The following DCHS2 variants were observed in gnomAD, a reference collection of about 807,000 sequenced individuals.
DCHS2 encodes the protein dachsous cadherin-related 2.
Under a neutral mutation model 182.4 loss-of-function variants are expected in DCHS2, and 142 were observed. The ratio of observed to expected loss-of-function variants is 0.78; its 90% CI spans 0.68 to 0.89. The LOEUF (loss-of-function observed/expected upper bound fraction) is 0.89. Among genes scored for constraint, DCHS2 ranks in the 40% least tolerant of loss-of-function variants. The pLI, the probability that DCHS2 is intolerant of heterozygous loss-of-function variation, is 0.00. For synonymous variants in DCHS2, 1,740 were observed against 1,663.3 expected (o/e 1.05, Z -1.12); for missense variants, 4,319 against 4,198.6 (o/e 1.03, Z -0.79).
chr4:154,428,655 C>A (rs769923459), intron 1 of DCHS2, among the ~76,000 whole-genome samples: 55 of 152,104 alleles, frequency 3.6e-4, no homozygotes, highest in Non-Finnish European at 7.4e-4. Context: ...AATCCTAGCA[C>A]TTTGGAAGGG....
intron 1 of DCHS2, among the ~76,000 whole-genome samples, chr4:154,393,648 G>C (rs1731804128): frequency 6.6e-6 from 1 of 151,854 alleles, no homozygotes; most frequent in African/African-American, 2.4e-5. Flanking sequence ...TCATATGCTA[G>C]TCTAATCTCT....
chr4:154,435,444 A>C (rs1316324912), intron 1 of DCHS2, among the ~76,000 whole-genome samples: 1 of 152,152 alleles, frequency 6.6e-6, no homozygotes, highest in Non-Finnish European at 1.5e-5. Context: ...AAATGCAAAA[A>C]AATTAGCTGG....
intron 2 of DCHS2, among the ~76,000 whole-genome samples, chr4:154,370,654 G>T (rs1418761184): frequency 6.6e-6 from 1 of 152,172 alleles, no homozygotes; most frequent in Non-Finnish European, 1.5e-5. Context: ...TCTCTAAAAA[G>T]ATAATAGAAA....
Position 154,489,838 on chromosome 4 carries a change from C to T in DCHS2, c.1518G>A (p.Glu506=). Residue 506 remains glutamate, a synonymous_variant, in exon 1 of 20, where the codon GAG becomes GAA. Transcript: ENST00000357232. ...PLDRESRDLY[E]LLLVATDAGS... The stretch of plus-strand genomic sequence containing the variant: ...CCGCGTCCGTGGCCACCAGTAGTAA[C>T]TCATACAGATCGCGGCTCTCTCTGT... 2 of 1,550,190 alleles carry T rather than the reference C, an allele frequency of 1.3e-6. No homozygotes were observed. Among genetic ancestry groups the T allele is most frequent in the Non-Finnish European group, 1.7e-6 (2 of 1,145,880 alleles).
In DCHS2 at chr4:154,333,038, T is replaced by C. The variant is rs1345374354; in HGVS notation, c.3170A>G (p.Asp1057Gly). The C allele has an allele frequency of 6.2e-6, 10 of 1,613,994 alleles. No individual in the cohort carries two copies. The South Asian group carries it at 8.8e-5, about 14-fold the overall frequency. Residue 1057 changes from aspartate (D) to glycine (G), a missense_variant, in exon 5 of 20, where the codon GAC becomes GGC. By Grantham distance (94) the Asp-to-Gly change is moderately conservative (BLOSUM62 -1). Coordinates refer to ENST00000357232, the MANE Select transcript of DCHS2 (RefSeq NM_001358235.2). ...RELTLTLRAEDQGVHPQAALL... is the reference protein window; with the variant it reads ...RELTLTLRAEGQGVHPQAALL... The stretch of plus-strand genomic sequence containing the variant: ...GGCTGCCTGAGGATGCACGCCTTGG[T>C]CCTCGGCCCTGAGAGTCAGCGTGAG...
intron 13 of DCHS2, among the ~76,000 whole-genome samples, chr4:154,289,589 A>G (rs187465347): frequency 6.6e-6 from 1 of 152,214 alleles, no homozygotes; most frequent in Admixed American, 6.5e-5. Flanking sequence ...TCATTCTACC[A>G]GGTCATTATT....
chr4:154,387,054 C>A (rs1731453003), intron 1 of DCHS2, among the ~76,000 whole-genome samples: 1 of 152,082 alleles, frequency 6.6e-6, no homozygotes, highest in African/African-American at 2.4e-5. Context: ...AAGGTTTAAC[C>A]TTTTAAAATG....
chr4:154,238,859 G>A (rs950915613), intron 19 of DCHS2, among the ~76,000 whole-genome samples: 3 of 152,102 alleles, frequency 2.0e-5, no homozygotes, highest in African/African-American at 7.2e-5. Flanking sequence ...TGGGATAATT[G>A]CCTGAACTGT....
chr4:154,437,059 G>A (rs186390507), intron 1 of DCHS2, among the ~76,000 whole-genome samples: 31 of 152,042 alleles, frequency 2.0e-4, no homozygotes, highest in East Asian at 1.9e-3. Context: ...CATTTCTTCC[G>A]GACAGTGCTG....
In DCHS2 at chr4:154,236,256, C is replaced by A; in HGVS notation, c.8396G>T (p.Gly2799Val). The A allele has an allele frequency of 3.1e-6, 5 of 1,613,968 alleles. No individual in the cohort carries two copies. Among genetic ancestry groups the A allele is most frequent in the Non-Finnish European group, 4.2e-6 (5 of 1,179,946 alleles). The change falls in exon 20 of 20, where the codon GGT (glycine) becomes GTT (valine). Residue 2799 changes from glycine (G) to valine (V), a missense_variant. Transcript: ENST00000357232. The stretch of plus-strand genomic sequence containing the variant: ...AGAATAGGTCAATTCTCCATACGGA[C>A]CAGCATCAAAATCCAGAGCATTTAT... ...CSINALDFDA[G>V]PYGELTYSIV...
intron 1 of DCHS2, among the ~76,000 whole-genome samples, chr4:154,449,187 AT>A (rs1734427996): frequency 6.8e-6 from 1 of 146,902 alleles, no homozygotes; most frequent in African/African-American, 2.5e-5. Flanking sequence ...TATATACATG[AT>A]AAAATTTGTC....
chr4:154,323,006 A>T, intron 7 of DCHS2: 1 of 524,822 alleles, frequency 1.9e-6, no homozygotes, highest in African/African-American at 1.9e-5. Flanking sequence ...TTTCTTGTTT[A>T]CATTAAGATC....
intron 16 of DCHS2, among the ~76,000 whole-genome samples, chr4:154,246,105 G>A (rs1445156540): frequency 6.6e-6 from 1 of 152,148 alleles, no homozygotes; most frequent in East Asian, 1.9e-4. Context: ...GAGGAGCAGA[G>A]TTGCTCCCAG....
chr4:154,449,606 C>T (rs547068468), intron 1 of DCHS2, among the ~76,000 whole-genome samples: 6 of 152,218 alleles, frequency 3.9e-5, no homozygotes, highest in Admixed American at 2.6e-4. Flanking sequence ...CTCCTGGGCT[C>T]GAGCAATACT....
At chr4:154,443,021 G>A (rs1336861865) in intron 1 of DCHS2, among the ~76,000 whole-genome samples, 1 of 151,508 alleles carries the variant, frequency 6.6e-6, no homozygotes, top group Non-Finnish European at 1.5e-5. Context: ...CCCTTTCTTT[G>A]ACCACCTCCT....
intron 1 of DCHS2, among the ~76,000 whole-genome samples, chr4:154,407,505 T>C (rs1274288152): frequency 6.6e-6 from 1 of 152,196 alleles, no homozygotes; most frequent in African/African-American, 2.4e-5. Flanking sequence ...CCTTTTCTTT[T>C]TCTTGTGACA....
intron 13 of DCHS2, among the ~76,000 whole-genome samples, chr4:154,283,482 A>G (rs1177358092): frequency 6.6e-6 from 1 of 151,864 alleles, no homozygotes; most frequent in Non-Finnish European, 1.5e-5. Context: ...ATGTGCAGAT[A>G]AACCAAAATA....
chr4:154,380,848 T>A (rs1452074479), intron 1 of DCHS2, among the ~76,000 whole-genome samples: 1 of 152,138 alleles, frequency 6.6e-6, no homozygotes, highest in Non-Finnish European at 1.5e-5. Context: ...ATATTGGGTC[T>A]TGAATGCCTA....
chr4:154,413,714 T>C (rs144202482), intron 1 of DCHS2, among the ~76,000 whole-genome samples: 30 of 152,294 alleles, frequency 2.0e-4, no homozygotes, highest in African/African-American at 7.0e-4. Flanking sequence ...GCTGAGGCCC[T>C]CACTGAAGGT....
Sources: allele counts gnomAD v4.1 joint callset (sites outside exome capture counted in the v4.1 genomes callset), GRCh38; gene constraint gnomAD v4.1.1; transcripts MANE v1.5; gene names NCBI Gene and HGNC (gene_info 2026-07-23, HGNC 2026-07-21).